RAD51B: variants seen among roughly 807,000 people sequenced by gnomAD.
RAD51B encodes the protein DNA repair protein RAD51 homolog 2.
A neutral mutation model predicts 42.2 loss-of-function variants in RAD51B; 38 were observed. That is an observed-to-expected ratio of 0.90 (90% CI 0.70 to 1.18). The LOEUF (loss-of-function observed/expected upper bound fraction) is 1.18. Among genes scored for constraint, RAD51B ranks in the 50% most tolerant of loss-of-function variants. The pLI, the probability that RAD51B is intolerant of heterozygous loss-of-function variation, is 0.00. For missense variants in RAD51B, 373 were observed against 400.7 expected (o/e 0.93, Z 0.59); for synonymous variants, 154 against 145.2 (o/e 1.06, Z -0.43).
chr14:68,314,903 C>G (rs1266598447), intron 8 of RAD51B, among the ~76,000 whole-genome samples: 2 of 152,224 alleles, frequency 1.3e-5, no homozygotes, highest in Non-Finnish European at 2.9e-5. Flanking sequence ...GAAACGGCAG[C>G]TAGTGACACT....
At chr14:68,286,660 C>G (rs2081420095) in intron 7 of RAD51B, among the ~76,000 whole-genome samples, 1 of 152,204 alleles carries the variant, frequency 6.6e-6, no homozygotes. Context: ...CCCTCCCCTT[C>G]CACCCCACCA....
intron 7 of RAD51B, among the ~76,000 whole-genome samples, chr14:68,167,784 G>A (rs930894515): frequency 3.3e-5 from 5 of 152,048 alleles, no homozygotes; most frequent in Admixed American, 1.3e-4. Context: ...TCATTTATTA[G>A]AGTTCTGATA....
At chr14:68,139,926 T>A (rs911432868) in intron 7 of RAD51B, among the ~76,000 whole-genome samples, 1 of 152,124 alleles carries the variant, frequency 6.6e-6, no homozygotes, top group African/African-American at 2.4e-5. Flanking sequence ...GTTTGAAACG[T>A]TGAAAGCCAG....
intron 11 of RAD51B, among the ~76,000 whole-genome samples, chr14:68,676,323 G>A (rs753120514): frequency 2.0e-5 from 3 of 152,200 alleles, no homozygotes; most frequent in Non-Finnish European, 2.9e-5. Context: ...CAAGCTGGCT[G>A]TAGACCCTCA....
Position 67,844,374 on chromosome 14 carries a change from G to A in RAD51B, c.315+9178G>A, listed in dbSNP as rs182511524. Among the ~76,000 whole-genome samples, 246 of 151,748 alleles carry A rather than the reference G, an allele frequency of 1.6e-3. 1 individual carries two copies. The highest frequency in any genetic ancestry group is 5.4e-3 in the Admixed American group (83 of 15,256). The stretch of plus-strand genomic sequence containing the variant: ...TGTAGATGTCTATTAGGTTCATTTG[G>A]TCAAGTGTTGAGTTCAGGTCTTGAA... On this transcript the variant is annotated intron_variant, in intron 4 of 10. Transcript: ENST00000471583.
At chr14:68,230,280 T>C (rs528436293) in intron 7 of RAD51B, among the ~76,000 whole-genome samples, 1 of 152,280 alleles carries the variant, frequency 6.6e-6, no homozygotes, top group East Asian at 1.9e-4. Context: ...AGAGAGTGTG[T>C]CATAGAATTG....
intron 8 of RAD51B, among the ~76,000 whole-genome samples, chr14:68,406,237 G>A (rs761002910): frequency 3.3e-5 from 5 of 152,172 alleles, no homozygotes; most frequent in Non-Finnish European, 7.4e-5. Flanking sequence ...GATGGGTTCT[G>A]AGAAATGCAT....
intron 7 of RAD51B, among the ~76,000 whole-genome samples, chr14:68,106,039 T>G (rs2077372741): frequency 6.6e-6 from 1 of 151,954 alleles, no homozygotes; most frequent in Non-Finnish European, 1.5e-5. Context: ...CTCTTAATCT[T>G]TTTAGAAGAT....
At chr14:67,904,360 C>T (rs1262746538) in intron 7 of RAD51B, among the ~76,000 whole-genome samples, 2 of 152,078 alleles carry the variant, frequency 1.3e-5, no homozygotes, top group Non-Finnish European at 2.9e-5. Context: ...ATTAACATTC[C>T]TACCAACAGT....
chr14:68,596,583 G>C (rs1891008555), downstream of RAD51B, among the ~76,000 whole-genome samples: 1 of 152,234 alleles, frequency 6.6e-6, no homozygotes, highest in Non-Finnish European at 1.5e-5. Context: ...GTTCCCCATA[G>C]AGTAATGCCC....
At chr14:67,935,645 G>A (rs2044913702) in intron 7 of RAD51B, among the ~76,000 whole-genome samples, 1 of 152,330 alleles carries the variant, frequency 6.6e-6, no homozygotes, top group Admixed American at 6.5e-5. Flanking sequence ...GGGATTAGAA[G>A]TGTGAGCCAC....
chr14:68,365,977 T>C (rs2083134600), intron 8 of RAD51B, among the ~76,000 whole-genome samples: 1 of 152,080 alleles, frequency 6.6e-6, no homozygotes, highest in African/African-American at 2.4e-5. Context: ...TTTCCAGATG[T>C]TTCTGTTGAT....
At chr14:67,833,998 A>G (rs879046062) in intron 3 of RAD51B, among the ~76,000 whole-genome samples, 11 of 152,214 alleles carry the variant, frequency 7.2e-5, no homozygotes, top group African/African-American at 2.2e-4. Flanking sequence ...TTCTAATACA[A>G]ATCACACCCT....
chr14:68,147,804 TAA>T (rs11398164), intron 7 of RAD51B, among the ~76,000 whole-genome samples: 15 of 145,224 alleles, frequency 1.0e-4, no homozygotes, highest in African/African-American at 3.8e-4. Context: ...CAAGGGAAAT[TAA>T]AAAAAAAAAA....
intron 7 of RAD51B, among the ~76,000 whole-genome samples, chr14:68,180,338 G>T (rs1206485461): frequency 2.6e-5 from 4 of 152,110 alleles, no homozygotes; most frequent in African/African-American, 4.8e-5. Flanking sequence ...GGCTCAGTTT[G>T]TTCTAGCTAG....
intron 10 of RAD51B, among the ~76,000 whole-genome samples, chr14:68,571,697 G>C (rs1035036350): frequency 7.9e-5 from 12 of 152,176 alleles, no homozygotes; most frequent in African/African-American, 2.9e-4. Context: ...TCAGGAAATA[G>C]GCCGTGGACA....
At chr14:68,269,731 C>T (rs74435447) in intron 7 of RAD51B, among the ~76,000 whole-genome samples, 3,926 of 152,326 alleles carry the variant, frequency 0.026, 179 homozygotes, top group African/African-American at 0.088. Context: ...TACCCAGAAG[C>T]TGGAACAACG....
intron 7 of RAD51B, among the ~76,000 whole-genome samples, chr14:68,230,030 C>T (rs2080116252): frequency 6.6e-6 from 1 of 152,284 alleles, no homozygotes; most frequent in South Asian, 2.1e-4. Context: ...AATTCTATCC[C>T]TGCTCTTCAG....
intron 8 of RAD51B, among the ~76,000 whole-genome samples, chr14:68,305,990 T>G (rs2081852124): frequency 6.6e-6 from 1 of 152,170 alleles, no homozygotes; most frequent in African/African-American, 2.4e-5. Flanking sequence ...ATCGAGCACA[T>G]CCTAGTGGAA....
Sources: gnomAD v4.1 joint callset for allele counts (sites outside exome capture counted in the v4.1 genomes callset) on GRCh38, gnomAD v4.1.1 for gene constraint, MANE v1.5 for transcripts, NCBI Gene and HGNC (gene_info 2026-07-23, HGNC 2026-07-21) for gene names.